The following CEP85L variants were observed in gnomAD, a reference collection of about 807,000 sequenced individuals.
CEP85L encodes centrosomal protein of 85 kDa-like.
CEP85L carries 60 observed loss-of-function variants against 100.3 expected under a neutral mutation model. That is an observed-to-expected ratio of 0.60 (90% confidence interval 0.49 to 0.74). CEP85L has a LOEUF of 0.74. Ranked by LOEUF, CEP85L falls within the 30% of genes least tolerant of loss-of-function variation. The pLI is 0.00. For missense variants in CEP85L, 973 were observed against 936.2 expected (o/e 1.04, Z -0.51); for synonymous variants, 319 against 322.7 (o/e 0.99, Z 0.12).
chr6:118,555,854 A>C (rs545324062), intron 3 of CEP85L, among the ~76,000 whole-genome samples: 1 of 152,068 alleles, frequency 6.6e-6, no homozygotes, highest in African/African-American at 2.4e-5. Context: ...CTTTGTGTTC[A>C]TAAGTTCTTA....
At chr6:118,652,954 C>A, upstream of CEP85L, 2 of 473,472 alleles carry the variant, frequency 4.2e-6, no homozygotes, top group Non-Finnish European at 7.5e-6. Context: ...GAAGCTATAG[C>A]ACTATGTATA....
At chr6:118,543,906 G>C (rs555041498) in intron 3 of CEP85L, among the ~76,000 whole-genome samples, 10 of 152,332 alleles carry the variant, frequency 6.6e-5, no homozygotes, top group African/African-American at 2.4e-4. Context: ...AGAAAAACTA[G>C]TTAATAAACG....
At chr6:118,580,615 T>C (rs1780519033) in intron 2 of CEP85L, among the ~76,000 whole-genome samples, 1 of 152,190 alleles carries the variant, frequency 6.6e-6, no homozygotes, top group Non-Finnish European at 1.5e-5. Context: ...CTTCCTTTCA[T>C]GGGGAGACCT....
At chr6:118,564,609 T>A (rs1387137639) in intron 3 of CEP85L, among the ~76,000 whole-genome samples, 1 of 152,204 alleles carries the variant, frequency 6.6e-6, no homozygotes, top group Non-Finnish European at 1.5e-5. Flanking sequence ...ATACTCATAT[T>A]TGTGAGGTTC....
intron 3 of CEP85L, among the ~76,000 whole-genome samples, chr6:118,537,206 CTTA>C (rs1275897145): frequency 1.3e-5 from 2 of 152,006 alleles, no homozygotes; most frequent in East Asian, 1.9e-4. Context: ...TAATTTATAA[CTTA>C]TTAATGACAA....
At chr6:118,512,105 A>G (rs1289244422) in intron 4 of CEP85L, among the ~76,000 whole-genome samples, 1 of 152,134 alleles carries the variant, frequency 6.6e-6, no homozygotes, top group East Asian at 1.9e-4. Flanking sequence ...CCACCAGGCA[A>G]TTAAGAACAG....
intron 3 of CEP85L, among the ~76,000 whole-genome samples, chr6:118,544,885 T>C (rs1778106186): frequency 6.6e-6 from 1 of 152,132 alleles, no homozygotes; most frequent in Admixed American, 6.5e-5. Context: ...ATCCTCTCAA[T>C]CTCAGACCAC....
chr6:118,498,911 G>A (rs917474989), intron 5 of CEP85L, among the ~76,000 whole-genome samples: 23 of 152,196 alleles, frequency 1.5e-4, no homozygotes, highest in Non-Finnish European at 2.6e-4. Context: ...AATGTCTGCT[G>A]TCAGACCATA....
chr6:118,682,652 G>A (rs112504065), intron 1 of CEP85L, among the ~76,000 whole-genome samples: 1 of 151,852 alleles, frequency 6.6e-6, no homozygotes, highest in African/African-American at 2.4e-5. Flanking sequence ...ACATTTTCTT[G>A]GTTTATGCTT....
rs754829859 is a variant in CEP85L at position 118,470,583 on chromosome 6, T to C, written c.1976A>G (p.Glu659Gly). Residue 659 changes from glutamate (E) to glycine (G), a missense_variant, in exon 11 of 13, where the codon GAA (glutamate) becomes GGA (glycine). Glu to Gly is a moderately conservative substitution (Grantham distance 98). Transcript: ENST00000368491. ...LTTQKMMEEL[E>G]KKERNVQRLT... is the part of the protein sequence containing the mutation. ...TCTCTGTACATTTCTTTCTTTCTTTTCCAGCTCTTCCATCATCTTTTGAGT... is the reference window on the plus strand; with the variant it reads ...TCTCTGTACATTTCTTTCTTTCTTTCCCAGCTCTTCCATCATCTTTTGAGT... The C allele has an allele frequency of 6.2e-7, 1 of 1,607,492 alleles. No individual in the cohort carries two copies. Among genetic ancestry groups the C allele is most frequent in the African/African-American group, 1.3e-5 (1 of 74,614 alleles).
At position 118,461,552 on chromosome 6, in the gene CEP85L, A is replaced by G. The variant is rs1289981481; in HGVS notation, c.*3853T>C. On this transcript the variant is annotated 3_prime_UTR_variant, in exon 13 of 13. Transcript: ENST00000368491. The stretch of plus-strand genomic sequence containing the variant: ...AAAGGTTCTCTCTGTGTACAGCTGC[A>G]ATAGTGTTATTAGACTTGCTGATTT... The G allele has an allele frequency of 1.3e-5, 2 of 152,096 alleles. No homozygotes were observed. Among genetic ancestry groups the G allele is most frequent in the Non-Finnish European group, 2.9e-5 (2 of 67,948 alleles). The allele number at this position is 152,096 out of a possible 1,614,324, so 9.4% of individuals were successfully genotyped here. A position where few individuals can be genotyped will look rare whatever the true frequency, so the allele number is the denominator to read the frequency against.
intron 7 of CEP85L, 101 bp from the exon 8 acceptor site, chr6:118,482,034 A>AC: frequency 3.5e-5 from 1 of 28,886 alleles, no homozygotes; most frequent in Non-Finnish European, 6.9e-5. Flanking sequence ...CTTGTAGCTA[A>AC]AAAAAAAAAA....
intron 3 of CEP85L, chr6:118,564,992 A>T (rs929955435): frequency 6.6e-6 from 1 of 151,138 alleles, no homozygotes; most frequent in Non-Finnish European, 1.5e-5. Flanking sequence ...TTGACACATA[A>T]TTTTTTTTAA....
At chr6:118,512,294 G>A (rs777641602) in intron 4 of CEP85L, among the ~76,000 whole-genome samples, 4 of 152,078 alleles carry the variant, frequency 2.6e-5, no homozygotes, top group Admixed American at 1.3e-4. Context: ...ATAACCCTTG[G>A]GCACTCGGTT....
chr6:118,561,063 C>T (rs75649075), intron 3 of CEP85L, among the ~76,000 whole-genome samples: 6,128 of 152,196 alleles, frequency 0.04, 196 homozygotes, highest in Non-Finnish European at 0.06. Context: ...GAAGGAGACA[C>T]TATTAAATTT....
intron 2 of CEP85L, among the ~76,000 whole-genome samples, chr6:118,568,717 G>A (rs1357411610): frequency 6.6e-6 from 1 of 152,140 alleles, no homozygotes; most frequent in Non-Finnish European, 1.5e-5. Flanking sequence ...AAAACAACTG[G>A]CAAACACAGT....
chr6:118,690,501 C>T (rs1777000723), intron 1 of CEP85L, among the ~76,000 whole-genome samples: 1 of 152,186 alleles, frequency 6.6e-6, no homozygotes, highest in Admixed American at 6.5e-5. Context: ...ACTGCTCAAT[C>T]ACCGCACTCC....
upstream of CEP85L, chr6:118,656,788 G>A (rs1775807971): frequency 6.6e-6 from 1 of 152,038 alleles, no homozygotes; most frequent in Admixed American, 6.6e-5. Flanking sequence ...TTTTCTTCTA[G>A]CTATTTTAAA....
chr6:118,623,737 C>T (rs1247947658), intron 2 of CEP85L, among the ~76,000 whole-genome samples: 1 of 152,186 alleles, frequency 6.6e-6, no homozygotes, highest in African/African-American at 2.4e-5. Flanking sequence ...AAATGACCTC[C>T]TGCTCAATCA....
Sources: gnomAD v4.1 joint callset for allele counts (sites outside exome capture counted in the v4.1 genomes callset) on GRCh38, gnomAD v4.1.1 for gene constraint, MANE v1.5 for transcripts, NCBI Gene and HGNC (gene_info 2026-07-23, HGNC 2026-07-21) for gene names.